The following ZNF740 variants were observed in gnomAD, a reference collection of about 807,000 sequenced individuals.
The protein encoded by ZNF740 is oriLyt TD-element-binding protein 7.
ZNF740 carries 14 observed loss-of-function variants against 24.8 expected under a neutral mutation model. That is an observed-to-expected ratio of 0.56 (90% CI 0.37 to 0.88). The LOEUF (loss-of-function observed/expected upper bound fraction) is 0.88, where lower values mean the gene tolerates loss of function less well. Ranked by LOEUF, ZNF740 falls within the 40% of genes least tolerant of loss-of-function variation. ZNF740 has a pLI of 0.00. For missense variants in ZNF740, 201 were observed against 247.9 expected (o/e 0.81, Z 1.27); for synonymous variants, 69 against 84.0 (o/e 0.82, Z 0.98).
In ZNF740 at chr12:53,192,595, G is replaced by A; in HGVS notation, c.*5005G>A. On this transcript the variant is annotated 3_prime_UTR_variant, in exon 7 of 7. Coordinates refer to ENST00000416904, the MANE Select transcript of ZNF740 (RefSeq NM_001004304.4). ...GGGCAGTTGTCACCCAATGCCCCTTGCCCAACTACAAGCAGGACGGAGAGT... is the reference window on the plus strand; with the variant it reads ...GGGCAGTTGTCACCCAATGCCCCTTACCCAACTACAAGCAGGACGGAGAGT... The A allele has an allele frequency of 6.3e-7, 1 of 1,597,028 alleles. No individual in the cohort carries two copies. The highest frequency in any genetic ancestry group is 8.6e-7 in the Non-Finnish European group (1 of 1,166,572).
rs1426033041 is a variant in ZNF740 at position 53,192,564 on chromosome 12, C to A, written c.*4974C>A. Reference sequence around the variant, plus strand: ...CTGTGTAGTAGATGCCAATAGGTTACCAGCTGGGCAGTTGTCACCCAATGC... The same window carrying A: ...CTGTGTAGTAGATGCCAATAGGTTAACAGCTGGGCAGTTGTCACCCAATGC... On this transcript the variant is annotated 3_prime_UTR_variant, in exon 7 of 7. Coordinates refer to ENST00000416904, the MANE Select transcript of ZNF740 (RefSeq NM_001004304.4). 1.2e-6 allele frequency: 2 copies of A among 1,610,668 alleles called. No individual in the cohort carries two copies. The highest frequency in any genetic ancestry group is 2.2e-5 in the South Asian group (2 of 91,004).
chr12:53,180,817 G>T lies in ZNF740; in HGVS notation c.-328G>T. 1 of 1,272,026 alleles carries T rather than the reference G, an allele frequency of 7.9e-7. No homozygotes were observed. The highest frequency in any genetic ancestry group is 1.0e-6 in the Non-Finnish European group (1 of 982,194). The allele number at this position is 1,272,026 out of a possible 1,614,324, so 78.8% of individuals were successfully genotyped here. On this transcript the variant is annotated 5_prime_UTR_variant, in exon 1 of 7. Transcript: ENST00000416904. Reference sequence around the variant, plus strand: ...GAGGCGCCGCGCGGCCAGGGAGCCAGCGGGAGGCCGCGCCTGGCAGGTAGG... The same window carrying T: ...GAGGCGCCGCGCGGCCAGGGAGCCATCGGGAGGCCGCGCCTGGCAGGTAGG...
Position 53,193,195 on chromosome 12 carries a change from A to C in ZNF740, c.*5605A>C. 1 of 1,614,114 alleles carries C rather than the reference A, an allele frequency of 6.2e-7. No homozygotes were observed. The highest frequency in any genetic ancestry group is 8.5e-7 in the Non-Finnish European group (1 of 1,180,000). The stretch of plus-strand genomic sequence containing the variant: ...AGCTGGCATCGTCACACTCGCACAG[A>C]TGCCCAGAGCTCTGTCCACTGCAGC... On this transcript the variant is annotated 3_prime_UTR_variant, in exon 7 of 7. Coordinates refer to ENST00000416904, the MANE Select transcript of ZNF740 (RefSeq NM_001004304.4).
chr12:53,192,120 G>A lies in ZNF740; in HGVS notation c.*4530G>A. 1 of 1,425,582 alleles carries A rather than the reference G, an allele frequency of 7.0e-7. No individual in the cohort carries two copies. Among genetic ancestry groups the A allele is most frequent in the Admixed American group, 2.2e-5 (1 of 45,180 alleles). The allele number at this position is 1,425,582 out of a possible 1,614,324, so 88.3% of individuals were successfully genotyped here. On this transcript the variant is annotated 3_prime_UTR_variant, in exon 7 of 7. Transcript: ENST00000416904. ...AGCCTGTCCAACCCTGTCTGTCACTGAAAGCAAAGGGAACCCAGGGAGGTC... is the reference window on the plus strand; with the variant it reads ...AGCCTGTCCAACCCTGTCTGTCACTAAAAGCAAAGGGAACCCAGGGAGGTC...
intron 2 of ZNF740, 146 bp from the exon 3 acceptor site, chr12:53,184,745 G>A (rs1326076803): frequency 4.4e-6 from 4 of 901,456 alleles, no homozygotes; most frequent in Non-Finnish European, 6.8e-6. Context: ...ACTCTTGAAG[G>A]AAGCAAGGCT....
chr12:53,181,936 G>T lies in ZNF740; in HGVS notation c.-48G>T. 6.3e-7 allele frequency: 1 copy of T among 1,596,332 alleles called. No individual in the cohort carries two copies. Among genetic ancestry groups the T allele is most frequent in the East Asian group, 2.2e-5 (1 of 44,460 alleles). On this transcript the variant is annotated 5_prime_UTR_variant, in exon 2 of 7. Transcript: ENST00000416904. ...AACGACAGTGTCTCAAGGAAAGGTG[G>T]ACCTAGGAACTCCTGAACTTTTGGG...
At position 53,192,974 on chromosome 12, in the gene ZNF740, CACG is replaced by C. The variant is rs1942018326; in HGVS notation, c.*5387_*5389del. On this transcript the variant is annotated 3_prime_UTR_variant, in exon 7 of 7. Transcript: ENST00000416904. ...ACACACACAGTTGGCCATCATGTGG[CACG>C]ACAAGCCCACGCATCCAATCTTTTT... is the stretch of plus-strand genomic sequence containing the variant. 4 of 1,515,662 alleles carry C rather than the reference CACG, an allele frequency of 2.6e-6. 1 individual carries two copies. The highest frequency in any genetic ancestry group is 3.4e-4 in the Middle Eastern group (2 of 5,864). 93.9% of individuals were successfully genotyped at this position (1,515,662 alleles called of 1,614,324 possible).
chr12:53,185,534 C>T (rs1941806458), intron 4 of ZNF740, 58 bp downstream of exon 4: 2 of 1,489,736 alleles, frequency 1.3e-6, no homozygotes, highest in South Asian at 1.2e-5. Context: ...TAATATTCCT[C>T]CTTCTTCCCT....
Position 53,193,562 on chromosome 12 carries a change from T to C in ZNF740, c.*5972T>C, listed in dbSNP as rs1019091026. The C allele has an allele frequency of 5.0e-6, 4 of 795,898 alleles. No individual in the cohort carries two copies. The highest frequency in any genetic ancestry group is 7.9e-6 in the Non-Finnish European group (4 of 504,810). The allele number at this position is 795,898 out of a possible 1,614,324, so 49.3% of individuals were successfully genotyped here. On this transcript the variant is annotated 3_prime_UTR_variant, in exon 7 of 7. Transcript: ENST00000416904. Reference sequence around the variant, plus strand: ...GTCAGGGGGAGGGCCTGGACATACATGGGAAGCTTCAAGGGATGAAACTGA... The same window carrying C: ...GTCAGGGGGAGGGCCTGGACATACACGGGAAGCTTCAAGGGATGAAACTGA...
Position 53,191,086 on chromosome 12 carries a change from C to A in ZNF740, c.*3496C>A. The A allele has an allele frequency of 4.9e-6, 1 of 203,244 alleles. No homozygotes were observed. The highest frequency in any genetic ancestry group is 1.0e-5 in the Non-Finnish European group (1 of 98,070). The allele number at this position is 203,244 out of a possible 1,614,324, so 12.6% of individuals were successfully genotyped here. ...GAAGGAGGCTAGACACCAACAGATGCAGTGTCTCTGACCTGGGACCCCCCT... is the reference window on the plus strand; with the variant it reads ...GAAGGAGGCTAGACACCAACAGATGAAGTGTCTCTGACCTGGGACCCCCCT... On this transcript the variant is annotated 3_prime_UTR_variant, in exon 7 of 7. Coordinates refer to ENST00000416904, the MANE Select transcript of ZNF740 (RefSeq NM_001004304.4).
At chr12:53,184,481 C>G (rs545310308) in intron 2 of ZNF740, among the ~76,000 whole-genome samples, 1 of 152,228 alleles carries the variant, frequency 6.6e-6, no homozygotes, top group South Asian at 2.1e-4. Context: ...CCACTGCACT[C>G]GGCCCAGCTG....
rs577867069 is a variant in ZNF740, at chr12:53,188,657, G to A, written c.*1067G>A. 6.6e-6 allele frequency: 1 copy of A among 152,182 alleles called. No homozygotes were observed. The highest frequency in any genetic ancestry group is 1.5e-5 in the Non-Finnish European group (1 of 68,040). The allele number at this position is 152,182 out of a possible 1,614,324, so 9.4% of individuals were successfully genotyped here. A position where few individuals can be genotyped will look rare whatever the true frequency, so the allele number is the denominator to read the frequency against. On this transcript the variant is annotated 3_prime_UTR_variant, in exon 7 of 7. Coordinates refer to ENST00000416904, the MANE Select transcript of ZNF740 (RefSeq NM_001004304.4). ...TTCTCCCTCCCCAAGTCCTATCACT[G>A]TATTCAGGTAGAGGAGGTAGGGAGG...
chr12:53,185,038 C>A lies in ZNF740; in HGVS notation c.157C>A (p.Gln53Lys). The A allele has an allele frequency of 2.5e-6, 4 of 1,613,808 alleles. No individual in the cohort carries two copies. Among genetic ancestry groups the A allele is most frequent in the South Asian group, 1.1e-5 (1 of 91,048 alleles). ...GSPDVLRCSSQGHRKDSDKSR... is the reference protein window; with the variant it reads ...GSPDVLRCSSKGHRKDSDKSR... ...CCCTGATGTGCTGAGGTGCTCGAGT[C>A]AGGTACAGCGCTTGAGTCCATTGTG... Residue 53 changes from glutamine (Q) to lysine (K), a missense_variant and splice_region_variant, in exon 3 of 7, where the codon CAG becomes AAG. Physicochemically the swap from Gln to Lys is moderately conservative, Grantham distance 53. Coordinates refer to ENST00000416904, the MANE Select transcript of ZNF740 (RefSeq NM_001004304.4).
intron 1 of ZNF740, 160 bp from the exon 2 acceptor site, chr12:53,181,517 A>C: frequency 1.0e-6 from 1 of 984,524 alleles, no homozygotes; most frequent in Non-Finnish European, 1.2e-6. Flanking sequence ...TGCCCAGGAG[A>C]CCAGTTCCTC....
chr12:53,181,654 C>T (rs1158497106), intron 1 of ZNF740, 23 bp from the exon 2 acceptor site: 2 of 428,712 alleles, frequency 4.7e-6, no homozygotes, highest in Non-Finnish European at 7.2e-6. Flanking sequence ...TTTAGCAGCC[C>T]CCCTCTTCCT....
Position 53,194,133 on chromosome 12 carries a change from G to C in ZNF740, c.*6543G>C. The C allele has an allele frequency of 6.2e-7, 1 of 1,602,896 alleles. No homozygotes were observed. Among genetic ancestry groups the C allele is most frequent in the Admixed American group, 1.7e-5 (1 of 59,836 alleles). On this transcript the variant is annotated 3_prime_UTR_variant, in exon 7 of 7. Coordinates refer to ENST00000416904, the MANE Select transcript of ZNF740 (RefSeq NM_001004304.4). Reference sequence around the variant, plus strand: ...CTGTACCTGCCACCCATCTTTTCCTGCCTGCTTAATTTCCCACTCCCACCT... The same window carrying C: ...CTGTACCTGCCACCCATCTTTTCCTCCCTGCTTAATTTCCCACTCCCACCT...
chr12:53,191,242 A>G lies in ZNF740; in HGVS notation c.*3652A>G. The stretch of plus-strand genomic sequence containing the variant: ...CCTGCCCTCAGGTGGCAAGAGGAGG[A>G]TGGACAAGAGCTTTCCCGAGGCCCA... On this transcript the variant is annotated 3_prime_UTR_variant, in exon 7 of 7. Transcript: ENST00000416904. 1 of 350,062 alleles carries G rather than the reference A, an allele frequency of 2.9e-6. No homozygotes were observed. The highest frequency in any genetic ancestry group is 5.5e-6 in the Non-Finnish European group (1 of 182,014). The allele number at this position is 350,062 out of a possible 1,614,324, so 21.7% of individuals were successfully genotyped here.
At chr12:53,186,950 C>T (rs1047633130) in intron 6 of ZNF740, among the ~76,000 whole-genome samples, 16 of 152,088 alleles carry the variant, frequency 1.1e-4, no homozygotes, top group African/African-American at 3.6e-4. Flanking sequence ...AATCTTTGCC[C>T]TGGGGGTCAG....
In ZNF740 at chr12:53,190,611, T is replaced by C. The variant is rs1941914699; in HGVS notation, c.*3021T>C. 1 of 152,476 alleles carries C rather than the reference T, an allele frequency of 6.6e-6. No homozygotes were observed. Among genetic ancestry groups the C allele is most frequent in the Non-Finnish European group, 1.5e-5 (1 of 68,028 alleles). The allele number at this position is 152,476 out of a possible 1,614,324, so 9.4% of individuals were successfully genotyped here. ...TCGAACCCTCTCCCCAGATGCCCTT[T>C]GCCTCTGCTGTGGCCCTGGGGTTTT... On this transcript the variant is annotated 3_prime_UTR_variant, in exon 7 of 7. Coordinates refer to ENST00000416904, the MANE Select transcript of ZNF740 (RefSeq NM_001004304.4).
Sources: gnomAD v4.1 joint callset for allele counts (sites outside exome capture counted in the v4.1 genomes callset) on GRCh38, gnomAD v4.1.1 for gene constraint, MANE v1.5 for transcripts, NCBI Gene and HGNC (gene_info 2026-07-23, HGNC 2026-07-21) for gene names.